Variants in DCDC1 observed in about 807,000 individuals in gnomAD.
DCDC1 encodes doublecortin domain containing 1.
Under a neutral mutation model 178.3 loss-of-function variants are expected in DCDC1, and 200 were observed. The observed-to-expected ratio is 1.12, with a 90% CI of 1.00 to 1.26. The LOEUF (loss-of-function observed/expected upper bound fraction) is 1.26. Ranked by LOEUF, DCDC1 falls within the 50% of genes most tolerant of loss-of-function variation. The pLI is 0.00. For synonymous variants in DCDC1, 690 were observed against 604.8 expected (o/e 1.14, Z -2.07); for missense variants, 1,983 against 1,749.2 (o/e 1.13, Z -2.38).
At chr11:31,219,981 A>C (rs1433947724) in intron 9 of DCDC1, among the ~76,000 whole-genome samples, 1 of 152,142 alleles carries the variant, frequency 6.6e-6, no homozygotes, top group Non-Finnish European at 1.5e-5. Context: ...TCCAGCCCCC[A>C]CACCTGAAAC....
intron 1 of DCDC1, among the ~76,000 whole-genome samples, chr11:31,363,168 A>G (rs895949375): frequency 5.3e-5 from 8 of 152,256 alleles, no homozygotes; most frequent in Admixed American, 5.2e-4. Context: ...CTATTTTGAA[A>G]TATTTGAAAA....
At chr11:31,283,128 C>T (rs531107968) in intron 7 of DCDC1, among the ~76,000 whole-genome samples, 2 of 152,122 alleles carry the variant, frequency 1.3e-5, no homozygotes, top group Non-Finnish European at 2.9e-5. Context: ...ACCAAGAACT[C>T]AGGAAAAATT....
chr11:31,255,548 T>C (rs963658126), intron 8 of DCDC1, among the ~76,000 whole-genome samples: 6 of 152,188 alleles, frequency 3.9e-5, no homozygotes, highest in Non-Finnish European at 2.9e-5. Context: ...TACTTCATTG[T>C]AATTTTTGAC....
chr11:31,033,366 T>C (rs1036713860), intron 20 of DCDC1, among the ~76,000 whole-genome samples: 2 of 152,320 alleles, frequency 1.3e-5, no homozygotes, highest in Admixed American at 1.3e-4. Context: ...GTTTCTATTT[T>C]CAGGTCATTT....
chr11:31,202,332 G>A (rs1486554334), intron 9 of DCDC1, among the ~76,000 whole-genome samples: 1 of 152,134 alleles, frequency 6.6e-6, no homozygotes, highest in African/African-American at 2.4e-5. Flanking sequence ...GGACGCCGAG[G>A]CGGGTGGATT....
chr11:31,030,436 G>C (rs892319927), intron 20 of DCDC1, among the ~76,000 whole-genome samples: 7 of 151,752 alleles, frequency 4.6e-5, no homozygotes, highest in African/African-American at 7.3e-5. Flanking sequence ...GATTTTGAAG[G>C]GGGAGGGAAG....
At chr11:31,125,679 A>G (rs1358888841) in intron 11 of DCDC1, among the ~76,000 whole-genome samples, 1 of 152,190 alleles carries the variant, frequency 6.6e-6, no homozygotes, top group African/African-American at 2.4e-5. Flanking sequence ...TGAGGAACAG[A>G]AAACCAAACA....
intron 22 of DCDC1, among the ~76,000 whole-genome samples, chr11:30,926,823 A>G (rs1380006709): frequency 6.6e-6 from 1 of 152,134 alleles, no homozygotes; most frequent in Admixed American, 6.5e-5. Flanking sequence ...CAGGCTGGGT[A>G]TGGTGGTCCA....
At chr11:31,036,182 C>G (rs1255294041) in intron 20 of DCDC1, among the ~76,000 whole-genome samples, 1 of 152,208 alleles carries the variant, frequency 6.6e-6, no homozygotes, top group Non-Finnish European at 1.5e-5. Flanking sequence ...TTGTATCTTT[C>G]CACACCTAGC....
At chr11:30,910,624 A>AT (rs1945375675) in intron 28 of DCDC1, among the ~76,000 whole-genome samples, 2 of 152,224 alleles carry the variant, frequency 1.3e-5, no homozygotes, top group Non-Finnish European at 2.9e-5. Flanking sequence ...CATGCAAAGC[A>AT]GGAATGCCTC....
chr11:31,122,442 A>T (rs966075222), intron 11 of DCDC1, among the ~76,000 whole-genome samples: 1 of 152,116 alleles, frequency 6.6e-6, no homozygotes, highest in Non-Finnish European at 1.5e-5. Flanking sequence ...CCACACCTGA[A>T]GATGTGCTGG....
chr11:30,886,078 T>G (rs946138338), intron 36 of DCDC1, among the ~76,000 whole-genome samples: 3 of 152,008 alleles, frequency 2.0e-5, no homozygotes, highest in African/African-American at 7.2e-5. Context: ...CAGACCAACT[T>G]GTAAAATTGT....
intron 36 of DCDC1, among the ~76,000 whole-genome samples, chr11:30,883,723 A>G (rs1260706078): frequency 6.6e-6 from 1 of 152,168 alleles, no homozygotes; most frequent in Non-Finnish European, 1.5e-5. Flanking sequence ...TTCTATATCC[A>G]GCCAAGTTAC....
chr11:31,132,879 AT>A (rs1365129742), intron 10 of DCDC1, among the ~76,000 whole-genome samples: 1 of 152,212 alleles, frequency 6.6e-6, no homozygotes, highest in African/African-American at 2.4e-5. Context: ...TAGCAAAAAA[AT>A]ATTGAATATT....
At chr11:30,931,043 C>T (rs567855208) in intron 22 of DCDC1, among the ~76,000 whole-genome samples, 8 of 152,098 alleles carry the variant, frequency 5.3e-5, no homozygotes, top group Admixed American at 2.0e-4. Context: ...CTCAAATATT[C>T]TAAACATCTC....
At chr11:31,160,829 C>G (rs1966249332) in intron 9 of DCDC1, among the ~76,000 whole-genome samples, 1 of 152,090 alleles carries the variant, frequency 6.6e-6, no homozygotes, top group African/African-American at 2.4e-5. Flanking sequence ...TTTCCTGGAC[C>G]CATTTCCTTA....
At position 31,271,832 on chromosome 11, in the gene DCDC1, G is replaced by A. The variant is rs541890320; in HGVS notation, c.961-6232C>T. On this transcript the variant is annotated intron_variant, in intron 7 of 38. Transcript: ENST00000684477. ...TCTTACATGGATGGCAGCAGGCAGA[G>A]AGAGAGCTTCTGCAGGGAAACTTCT... is the stretch of plus-strand genomic sequence containing the variant. 1.6e-4 allele frequency among the ~76,000 whole-genome samples: 25 copies of A among 152,226 alleles called. No homozygotes were observed. In the South Asian group the frequency reaches 1.9e-3, roughly 11 times the overall value.
At chr11:31,103,989 C>A (rs959940936) in intron 13 of DCDC1, among the ~76,000 whole-genome samples, 1 of 152,056 alleles carries the variant, frequency 6.6e-6, no homozygotes, top group Non-Finnish European at 1.5e-5. Context: ...ATAGTTTCAA[C>A]ATATGTAATT....
intron 9 of DCDC1, among the ~76,000 whole-genome samples, chr11:31,171,795 C>T (rs1213260526): frequency 6.6e-6 from 1 of 152,184 alleles, no homozygotes; most frequent in Admixed American, 6.5e-5. Context: ...CTTGATCAAG[C>T]TTAAATTAAA....
Sources: gnomAD v4.1 joint callset for allele counts (sites outside exome capture counted in the v4.1 genomes callset) on GRCh38, gnomAD v4.1.1 for gene constraint, MANE v1.5 for transcripts, NCBI Gene and HGNC (gene_info 2026-07-23, HGNC 2026-07-21) for gene names.